The following MAP3K20 variants were observed in gnomAD, a reference collection of about 807,000 sequenced individuals.
MAP3K20 encodes the protein HCCS-4.
Under a neutral mutation model 85.7 loss-of-function variants are expected in MAP3K20, and 40 were observed. The ratio of observed to expected loss-of-function variants is 0.47; its 90% CI spans 0.36 to 0.61. The LOEUF (loss-of-function observed/expected upper bound fraction) is 0.61, where lower values mean the gene tolerates loss of function less well. MAP3K20 is among the 20% of genes least tolerant of loss of function. The pLI is 0.00. For synonymous variants in MAP3K20, 325 were observed against 327.7 expected, an observed-to-expected ratio of 0.99 and a Z score of 0.09; for missense variants, 817 against 961.7, an observed-to-expected ratio of 0.85 and a Z score of 1.99.
At position 173,266,477 on chromosome 2, in the gene MAP3K20, C is replaced by T. The variant is rs1380111111; in HGVS notation, c.2130C>T (p.Tyr710=). 3.7e-6 allele frequency: 6 copies of T among 1,614,106 alleles called. No individual in the cohort carries two copies. In the Admixed American group the frequency reaches 5.0e-5, roughly 13 times the overall value. Residue 710 remains tyrosine (Y), a synonymous_variant, in exon 20 of 20, where the codon TAC becomes TAT. Transcript: ENST00000375213. The part of the protein sequence containing the change: ...SQHSTPSRGR[Y]PGKFYRVSQS... ...ATTCCACTCCTTCAAGAGGAAGATA[C>T]CCTGGAAAGTTCTACAGGGTTTCTC...
intron 18 of MAP3K20, among the ~76,000 whole-genome samples, chr2:173,261,986 CA>C: frequency 6.6e-6 from 1 of 151,412 alleles, no homozygotes; most frequent in African/African-American, 2.4e-5. Flanking sequence ...CACTGCACTC[CA>C]GCCTGGGTGA....
At chr2:173,149,733 G>A (rs891196045) in intron 2 of MAP3K20, among the ~76,000 whole-genome samples, 4 of 152,078 alleles carry the variant, frequency 2.6e-5, no homozygotes, top group South Asian at 4.1e-4. Flanking sequence ...CGTCATCTCC[G>A]CGCATCCTCC....
At chr2:173,075,750 C>T, upstream of MAP3K20, 2 of 985,344 alleles carry the variant, frequency 2.0e-6, no homozygotes, top group Non-Finnish European at 2.4e-6. Context: ...GGCCCGAGCG[C>T]CTTCCCCACG....
chr2:173,087,714 C>T (rs1379918765), intron 1 of MAP3K20, among the ~76,000 whole-genome samples: 1 of 152,168 alleles, frequency 6.6e-6, no homozygotes, highest in African/African-American at 2.4e-5. Flanking sequence ...TGAAGTAATA[C>T]TTTCAAAATT....
intron 2 of MAP3K20, among the ~76,000 whole-genome samples, chr2:173,098,079 A>G (rs1687515324): frequency 6.6e-6 from 1 of 152,242 alleles, no homozygotes; most frequent in South Asian, 2.1e-4. Context: ...TTAAAGAAGA[A>G]TAATGCCACA....
chr2:173,232,146 G>T, intron 12 of MAP3K20, 46 bp from the exon 13 acceptor site: 2 of 1,612,840 alleles, frequency 1.2e-6, no homozygotes, highest in South Asian at 2.2e-5. Context: ...ACTGGCCACT[G>T]ACCATGTGTG....
In MAP3K20 at chr2:173,110,182, TATATA is replaced by T. The variant is rs1003853619; in HGVS notation, c.159+18998_159+19002del. Among the ~76,000 whole-genome samples, 30 of 129,472 alleles carry T rather than the reference TATATA, an allele frequency of 2.3e-4. No individual in the cohort carries two copies. In the East Asian group the frequency reaches 2.5e-3, roughly 11 times the overall value. 84.9% of individuals were successfully genotyped at this position (129,472 alleles called of 152,430 possible). A position where few individuals can be genotyped will look rare whatever the true frequency, so the allele number is the denominator to read the frequency against. Reference sequence around the variant, plus strand: ...CTTGATATATATAAATAATAAAATATATATAATATATGTTATACATATATATATAT... The same window carrying T: ...CTTGATATATATAAATAATAAAATATATATATGTTATACATATATATATAT... On this transcript the variant is annotated intron_variant, in intron 2 of 19. Coordinates refer to ENST00000375213, the MANE Select transcript of MAP3K20 (RefSeq NM_016653.3).
At chr2:173,264,940 C>T (rs922042581) in intron 19 of MAP3K20, among the ~76,000 whole-genome samples, 2 of 152,068 alleles carry the variant, frequency 1.3e-5, no homozygotes, top group East Asian at 1.9e-4. Context: ...TACAGAGATC[C>T]GCGCAACAAT....
intron 4 of MAP3K20, among the ~76,000 whole-genome samples, chr2:173,186,507 TTC>T (rs1289003547): frequency 1.3e-5 from 2 of 150,008 alleles, no homozygotes; most frequent in Non-Finnish European, 3.0e-5. Flanking sequence ...AGTTTAAATT[TTC>T]TTTGTCCTTT....
chr2:173,245,730 G>C (rs1462694512), intron 16 of MAP3K20, among the ~76,000 whole-genome samples: 1 of 152,146 alleles, frequency 6.6e-6, no homozygotes, highest in Admixed American at 6.5e-5. Context: ...TTAGGAGTTC[G>C]AGGCCAGCCT....
intron 7 of MAP3K20, among the ~76,000 whole-genome samples, chr2:173,191,995 C>A (rs1559270994): frequency 6.6e-6 from 1 of 152,316 alleles, no homozygotes; most frequent in African/African-American, 2.4e-5. Context: ...TGAGGATAAA[C>A]TTTTCCCTAA....
chr2:173,199,353 A>AG (rs1690958926), intron 8 of MAP3K20, among the ~76,000 whole-genome samples: 1 of 152,216 alleles, frequency 6.6e-6, no homozygotes, highest in African/African-American at 2.4e-5. Flanking sequence ...AGAAATGAAA[A>AG]GGAGTTATAT....
At chr2:173,144,527 AAAG>A (rs1487623971) in intron 2 of MAP3K20, among the ~76,000 whole-genome samples, 2 of 143,062 alleles carry the variant, frequency 1.4e-5, no homozygotes, top group South Asian at 2.1e-4. Context: ...AAAAAAGAGA[AAAG>A]AAAAGAAATA....
intron 14 of MAP3K20, among the ~76,000 whole-genome samples, chr2:173,237,113 G>A (rs913875849): frequency 2.3e-5 from 3 of 128,054 alleles, no homozygotes; most frequent in Admixed American, 9.7e-5. Flanking sequence ...TGCAACCTCC[G>A]CCTCCCGGAT....
rs2106361071 is a variant in MAP3K20, at chr2:173,266,157, C to T, written c.1810C>T (p.His604Tyr). The T allele has an allele frequency of 1.2e-6, 2 of 1,614,064 alleles. No individual in the cohort carries two copies. Among genetic ancestry groups the T allele is most frequent in the Non-Finnish European group, 1.7e-6 (2 of 1,179,988 alleles). Residue 604 changes from histidine to tyrosine, a missense_variant, in exon 20 of 20, where the codon CAC becomes TAC. Around this residue, in one of 4 missense-constraint regions of MAP3K20, gnomAD observed 454 missense variants for 476.9 expected, o/e 0.95. Coordinates refer to ENST00000375213, the MANE Select transcript of MAP3K20 (RefSeq NM_016653.3). Reference protein sequence around the residue: ...NPILGSPFFSHFDGQDSYAAA... With the variant: ...NPILGSPFFSYFDGQDSYAAA... ...TATTCTGGGGTCACCGTTCTTCTCA[C>T]ACTTTGATGGCCAGGATTCCTACGC... is the stretch of plus-strand genomic sequence containing the variant.
intron 11 of MAP3K20, among the ~76,000 whole-genome samples, chr2:173,220,787 G>C (rs1223634506): frequency 6.6e-6 from 1 of 152,030 alleles, no homozygotes; most frequent in African/African-American, 2.4e-5. Context: ...AAAATATAAT[G>C]GTCAACTAAA....
intron 16 of MAP3K20, among the ~76,000 whole-genome samples, chr2:173,242,281 T>G (rs553098242): frequency 9.9e-4 from 150 of 151,858 alleles, no homozygotes; most frequent in Non-Finnish European, 1.9e-3. Context: ...GTTCAAGTGA[T>G]TCTCCTGCCT....
chr2:173,090,872 C>T lies in MAP3K20; in HGVS notation c.-34-126C>T, dbSNP rs1226017261. 6.6e-6 allele frequency: 9 copies of T among 1,364,680 alleles called. No homozygotes were observed. The East Asian group carries it at 2.1e-4, about 33-fold the overall frequency. 84.5% of individuals were successfully genotyped at this position (1,364,680 alleles called of 1,614,324 possible). ...TGTTTATAATCTTGCTTTTCTTCTT[C>T]CTAAGTCACCGTGACTTTCTGGAAG... On this transcript the variant is annotated intron_variant, in intron 1 of 19. Transcript: ENST00000375213.
chr2:173,079,022 A>G (rs1392082034), intron 1 of MAP3K20, among the ~76,000 whole-genome samples: 1 of 152,212 alleles, frequency 6.6e-6, no homozygotes, highest in Non-Finnish European at 1.5e-5. Flanking sequence ...TCATGTGTCC[A>G]TTAATGATGG....
Sources: allele counts gnomAD v4.1 joint callset (sites outside exome capture counted in the v4.1 genomes callset), GRCh38; gene constraint gnomAD v4.1.1; regional missense constraint gnomAD v4.1.1; transcripts MANE v1.5; gene names NCBI Gene and HGNC (gene_info 2026-07-23, HGNC 2026-07-21).